Variants in GPC6 observed in about 807,000 individuals in gnomAD.
The protein encoded by GPC6 is glypican-6.
In GPC6, 14 loss-of-function variants were observed where a neutral mutation model predicts 55.2. The ratio of observed to expected loss-of-function variants is 0.25; its 90% confidence interval spans 0.17 to 0.40. The LOEUF (loss-of-function observed/expected upper bound fraction) is 0.40, where lower values mean the gene tolerates loss of function less well. GPC6 is among the 10% of genes least tolerant of loss of function. GPC6 has a pLI of 1.00. For synonymous variants in GPC6, 278 were observed against 259.6 expected, an observed-to-expected ratio of 1.07 and a Z score of -0.68; for missense variants, 641 against 708.5, an observed-to-expected ratio of 0.90 and a Z score of 1.08.
intron 1 of GPC6, among the ~76,000 whole-genome samples, chr13:93,434,699 T>C (rs1182329999): frequency 6.6e-6 from 1 of 152,070 alleles, no homozygotes; most frequent in East Asian, 1.9e-4. Context: ...TATCCCCAAG[T>C]CTGATTTTTA....
rs1184683256 is a variant in GPC6, at chr13:93,339,637, A to T, written c.160+112021A>T. Among the ~76,000 whole-genome samples the T allele has an allele frequency of 2.0e-5, 3 of 152,170 alleles. No homozygotes were observed. In the East Asian group the frequency reaches 5.8e-4, roughly 29 times the overall value. ...TGGAATGAATTTTAGTGCATGTAAG[A>T]TTGGTCAGTTTTGCATAATGTTCAA... On this transcript the variant is annotated intron_variant, in intron 1 of 8. Coordinates refer to ENST00000377047, the MANE Select transcript of GPC6 (RefSeq NM_005708.5).
intron 6 of GPC6, among the ~76,000 whole-genome samples, chr13:94,364,694 TGCCCAGGACCTTAAAAAG>T (rs1170731638): frequency 1.3e-5 from 2 of 152,156 alleles, no homozygotes; most frequent in Non-Finnish European, 2.9e-5. Flanking sequence ...AATCACTGTA[TGCCCAGGACCTTAAAAAG>T]GCCCAGTACA....
intron 4 of GPC6, among the ~76,000 whole-genome samples, chr13:94,120,986 G>A (rs1593954508): frequency 1.3e-5 from 2 of 152,070 alleles, no homozygotes; most frequent in East Asian, 3.9e-4. Flanking sequence ...GTCTGAGAGT[G>A]ACCCAGGAGG....
chr13:93,816,155 G>A (rs1566549468), intron 2 of GPC6, among the ~76,000 whole-genome samples: 1 of 151,900 alleles, frequency 6.6e-6, no homozygotes, highest in East Asian at 1.9e-4. Flanking sequence ...AGTTTGGTCT[G>A]ATATCTATAA....
At chr13:93,772,917 A>G (rs1230474431) in intron 2 of GPC6, among the ~76,000 whole-genome samples, 1 of 152,086 alleles carries the variant, frequency 6.6e-6, no homozygotes, top group Non-Finnish European at 1.5e-5. Flanking sequence ...TGAAGGATGG[A>G]TAAAGTGCTA....
intron 1 of GPC6, among the ~76,000 whole-genome samples, chr13:93,529,593 G>A (rs2139411262): frequency 7.5e-6 from 1 of 133,646 alleles, no homozygotes; most frequent in South Asian, 2.3e-4. Context: ...TCGGCTCACT[G>A]CAACCTCCAC....
chr13:93,635,061 C>T (rs912256356), intron 2 of GPC6, among the ~76,000 whole-genome samples: 9 of 152,044 alleles, frequency 5.9e-5, no homozygotes, highest in Non-Finnish European at 1.0e-4. Flanking sequence ...CAAGGACAAA[C>T]ACCTATCTTT....
chr13:93,777,531 T>C (rs1195785087), intron 2 of GPC6, among the ~76,000 whole-genome samples: 2 of 152,240 alleles, frequency 1.3e-5, no homozygotes, highest in Non-Finnish European at 2.9e-5. Context: ...TTTGGTTTTA[T>C]TTTATTACTG....
At chr13:93,823,325 A>G (rs944731881) in intron 2 of GPC6, among the ~76,000 whole-genome samples, 10 of 152,114 alleles carry the variant, frequency 6.6e-5, no homozygotes, top group African/African-American at 1.9e-4. Flanking sequence ...CTACAAAGCC[A>G]TCCTGCTGTC....
chr13:93,845,826 A>C (rs1474704211), intron 3 of GPC6, among the ~76,000 whole-genome samples: 11 of 118,198 alleles, frequency 9.3e-5, no homozygotes, highest in Non-Finnish European at 1.7e-4. Context: ...CACTCTGGGG[A>C]CTGTTGTGGG....
chr13:93,395,960 A>C (rs1875839234), intron 1 of GPC6: 2 of 152,176 alleles, frequency 1.3e-5, no homozygotes, highest in South Asian at 2.1e-4. Context: ...GTGTTAATCT[A>C]TCCCTGATGG....
At chr13:94,271,626 G>A (rs901172995) in intron 4 of GPC6, among the ~76,000 whole-genome samples, 19 of 151,980 alleles carry the variant, frequency 1.3e-4, no homozygotes, top group Non-Finnish European at 2.4e-4. Flanking sequence ...TGTAGTGTTG[G>A]GGAGATAAAA....
intron 1 of GPC6, among the ~76,000 whole-genome samples, chr13:93,466,177 C>T (rs1333451836): frequency 6.6e-6 from 1 of 151,842 alleles, no homozygotes; most frequent in Non-Finnish European, 1.5e-5. Context: ...TGCTGATATA[C>T]TTTCTTGATG....
chr13:94,044,539 A>G (rs1392986903), intron 4 of GPC6, among the ~76,000 whole-genome samples: 1 of 151,952 alleles, frequency 6.6e-6, no homozygotes, highest in Non-Finnish European at 1.5e-5. Flanking sequence ...ATGGTTAATT[A>G]GTATTGTTTC....
In GPC6 at chr13:94,028,138, A is replaced by C. The variant is rs1055110523; in HGVS notation, c.877+244A>C. 2.0e-5 allele frequency among the ~76,000 whole-genome samples: 3 copies of C among 152,168 alleles called. No homozygotes were observed. The East Asian group carries it at 5.8e-4, about 29-fold the overall frequency. On this transcript the variant is annotated intron_variant, in intron 4 of 8. Coordinates refer to ENST00000377047, the MANE Select transcript of GPC6 (RefSeq NM_005708.5). ...AAATAAGCTGGGCGTGGTAGCACAC[A>C]TCTATGGTCCCAGCTGTTTAGGAGA...
At chr13:94,287,838 G>A (rs1029536128) in intron 5 of GPC6, among the ~76,000 whole-genome samples, 2 of 152,184 alleles carry the variant, frequency 1.3e-5, no homozygotes, top group African/African-American at 4.8e-5. Flanking sequence ...GTAATCAGGT[G>A]CTAAGATTGC....
chr13:94,166,782 A>G (rs2138922745), intron 4 of GPC6, among the ~76,000 whole-genome samples: 1 of 152,330 alleles, frequency 6.6e-6, no homozygotes, highest in East Asian at 1.9e-4. Flanking sequence ...AAGGACTCAT[A>G]ATAAATATTT....
chr13:93,357,482 T>C (rs937080878), intron 1 of GPC6, among the ~76,000 whole-genome samples: 5 of 152,162 alleles, frequency 3.3e-5, no homozygotes, highest in African/African-American at 1.2e-4. Context: ...TGACTCCATC[T>C]CCATGGATAG....
intron 2 of GPC6, among the ~76,000 whole-genome samples, chr13:93,720,157 G>C (rs1010990191): frequency 4.6e-5 from 7 of 152,042 alleles, no homozygotes; most frequent in African/African-American, 7.2e-5. Flanking sequence ...AGAAGGAATG[G>C]TACCAGCTCC....
Sources: gnomAD v4.1 joint callset for allele counts (sites outside exome capture counted in the v4.1 genomes callset) on GRCh38, gnomAD v4.1.1 for gene constraint, MANE v1.5 for transcripts, NCBI Gene and HGNC (gene_info 2026-07-23, HGNC 2026-07-21) for gene names.